The following AGBL4 variants were observed in gnomAD, a reference collection of about 807,000 sequenced individuals.
The protein encoded by AGBL4 is cytosolic carboxypeptidase 6.
Under a neutral mutation model 66.4 loss-of-function variants are expected in AGBL4, and 58 were observed. The observed-to-expected ratio is 0.87, with a 90% CI of 0.71 to 1.09. The LOEUF (loss-of-function observed/expected upper bound fraction) is 1.09, where lower values mean the gene tolerates loss of function less well. Among genes scored for constraint, AGBL4 ranks in the 50% least tolerant of loss-of-function variants. AGBL4 has a pLI of 0.00. For missense variants in AGBL4, 579 were observed against 631.0 expected, an observed-to-expected ratio of 0.92 and a Z score of 0.88; for synonymous variants, 234 against 222.9, an observed-to-expected ratio of 1.05 and a Z score of -0.44.
intron 3 of AGBL4, among the ~76,000 whole-genome samples, chr1:49,264,084 A>G (rs1161534997): frequency 2.0e-5 from 3 of 152,138 alleles, no homozygotes; most frequent in Non-Finnish European, 4.4e-5. Context: ...TATAATAAAA[A>G]TACAAAATTA....
intron 3 of AGBL4, among the ~76,000 whole-genome samples, chr1:49,339,592 C>G (rs1645499126): frequency 6.6e-6 from 1 of 152,302 alleles, no homozygotes; most frequent in Non-Finnish European, 1.5e-5. Flanking sequence ...ACACGTGAGA[C>G]AGAACTGGAT....
chr1:48,744,969 G>A (rs113580317), intron 6 of AGBL4, among the ~76,000 whole-genome samples: 11 of 148,298 alleles, frequency 7.4e-5, no homozygotes, highest in African/African-American at 2.7e-4. Context: ...TCTCCTTTGT[G>A]AGGCTTGATT....
Position 49,427,843 on chromosome 1 carries a change from C to T in AGBL4, c.283-181979G>A, listed in dbSNP as rs147066257. 1.1e-3 allele frequency among the ~76,000 whole-genome samples: 166 copies of T among 152,292 alleles called. 2 individuals carry two copies. The Middle Eastern group carries it at 0.017, about 16-fold the overall frequency. ...CCCCGCCCACATCCTGCTAATTGGT[C>T]CATTTTACAGAGTGCTGATTGGTCC... On this transcript the variant is annotated intron_variant, in intron 3 of 13. Transcript: ENST00000371839.
At chr1:49,990,915 A>G (rs567763220) in intron 1 of AGBL4, among the ~76,000 whole-genome samples, 1 of 152,346 alleles carries the variant, frequency 6.6e-6, no homozygotes, top group African/African-American at 2.4e-5. Context: ...GAAGTGTTGT[A>G]AAGATGCACT....
intron 4 of AGBL4, among the ~76,000 whole-genome samples, chr1:49,058,904 T>C (rs2147905378): frequency 6.6e-6 from 1 of 152,282 alleles, no homozygotes. Context: ...TTGAGAGAGA[T>C]GATTTAGCAT....
intron 3 of AGBL4, among the ~76,000 whole-genome samples, chr1:49,342,002 CTG>C (rs1278739803): frequency 3.9e-5 from 6 of 152,228 alleles, no homozygotes; most frequent in African/African-American, 1.4e-4. Context: ...GTTTACTGGT[CTG>C]TGTTACCTGA....
chr1:48,964,978 G>A (rs965937124), intron 5 of AGBL4, among the ~76,000 whole-genome samples: 3 of 152,180 alleles, frequency 2.0e-5, no homozygotes, highest in African/African-American at 7.2e-5. Context: ...AAAAGTTGTT[G>A]TCTTTCCACT....
chr1:49,138,644 G>T (rs1646060367), intron 4 of AGBL4, among the ~76,000 whole-genome samples: 1 of 152,000 alleles, frequency 6.6e-6, no homozygotes, highest in Non-Finnish European at 1.5e-5. Flanking sequence ...TTATATCTCT[G>T]GTTCAAACCT....
At chr1:49,658,089 A>C (rs900484892) in intron 3 of AGBL4, among the ~76,000 whole-genome samples, 1 of 152,186 alleles carries the variant, frequency 6.6e-6, no homozygotes, top group African/African-American at 2.4e-5. Context: ...AATGGGAGAA[A>C]ATTTTTGCAA....
intron 5 of AGBL4, among the ~76,000 whole-genome samples, chr1:48,921,385 T>C (rs1417143638): frequency 6.6e-6 from 1 of 152,154 alleles, no homozygotes; most frequent in African/African-American, 2.4e-5. Context: ...AAGACAAATA[T>C]AAATAATTAA....
chr1:48,985,980 G>A (rs539908208), intron 5 of AGBL4, among the ~76,000 whole-genome samples: 11 of 152,142 alleles, frequency 7.2e-5, no homozygotes, highest in South Asian at 2.1e-4. Flanking sequence ...TAAATCAAGC[G>A]TCTGTAGATA....
chr1:49,055,532 C>CA (rs1644293335), intron 4 of AGBL4, among the ~76,000 whole-genome samples: 1 of 151,862 alleles, frequency 6.6e-6, no homozygotes, highest in African/African-American at 2.4e-5. Flanking sequence ...CAAACTTATT[C>CA]ATCATAATAT....
At chr1:49,229,289 A>G (rs1322140550) in intron 4 of AGBL4, among the ~76,000 whole-genome samples, 1 of 152,256 alleles carries the variant, frequency 6.6e-6, no homozygotes, top group Non-Finnish European at 1.5e-5. Context: ...GATTTATTCA[A>G]TGTCTACATC....
intron 3 of AGBL4, among the ~76,000 whole-genome samples, chr1:49,323,129 C>T (rs944403610): frequency 1.3e-5 from 2 of 152,164 alleles, no homozygotes; most frequent in African/African-American, 2.4e-5. Context: ...TAAACACACT[C>T]ATTGTAAATG....
At chr1:48,590,068 C>T (rs967485698) in intron 10 of AGBL4, among the ~76,000 whole-genome samples, 3 of 152,016 alleles carry the variant, frequency 2.0e-5, no homozygotes, top group South Asian at 2.1e-4. Flanking sequence ...GGCAACATAG[C>T]GAGACCCTGT....
intron 4 of AGBL4, among the ~76,000 whole-genome samples, chr1:49,047,491 C>T (rs1199108971): frequency 1.3e-5 from 2 of 152,238 alleles, no homozygotes; most frequent in Non-Finnish European, 2.9e-5. Context: ...GGAAATATAT[C>T]TTCAAGACAA....
intron 6 of AGBL4, among the ~76,000 whole-genome samples, chr1:48,762,223 G>A (rs1486595717): frequency 2.0e-5 from 3 of 152,122 alleles, no homozygotes; most frequent in East Asian, 1.9e-4. Flanking sequence ...GTGTGCTCAC[G>A]ACACATACTG....
chr1:49,918,548 T>A (rs1280389726), intron 1 of AGBL4, among the ~76,000 whole-genome samples: 3 of 152,042 alleles, frequency 2.0e-5, no homozygotes, highest in African/African-American at 7.3e-5. Flanking sequence ...AGAAGTTGAA[T>A]CCCTGAATAG....
chr1:48,779,704 C>CTTT (rs200375125), intron 6 of AGBL4, among the ~76,000 whole-genome samples: 23 of 137,186 alleles, frequency 1.7e-4, no homozygotes, highest in East Asian at 4.1e-4. Context: ...CTGTTCCTCT[C>CTTT]TTTTTTTTTT....
Sources: allele counts gnomAD v4.1 joint callset (sites outside exome capture counted in the v4.1 genomes callset), GRCh38; gene constraint gnomAD v4.1.1; transcripts MANE v1.5; gene names NCBI Gene and HGNC (gene_info 2026-07-23, HGNC 2026-07-21).